The following BMAL2 variants were observed in gnomAD, a reference collection of about 807,000 sequenced individuals.
BMAL2 encodes basic helix-loop-helix ARNT-like protein 2.
chr12:27,410,387 C>T, the BMAL2 span, among the ~76,000 whole-genome samples: 1 of 152,290 alleles, frequency 6.6e-6, no homozygotes, highest in Non-Finnish European at 1.5e-5. Flanking sequence ...AAATGTGGCA[C>T]ATATACACCA....
At chr12:27,368,523 A>G in the BMAL2 span, 2 of 1,328,440 alleles carry the variant, frequency 1.5e-6, no homozygotes, top group Non-Finnish European at 2.1e-6. Context: ...ACATTTGGAG[A>G]TGGGAGAGTA....
the BMAL2 span, among the ~76,000 whole-genome samples, chr12:27,379,785 A>G: frequency 6.6e-6 from 1 of 152,300 alleles, no homozygotes; most frequent in African/African-American, 2.4e-5. Context: ...AAGAACAAAA[A>G]ACAACTAGAA....
chr12:27,348,957 A>T, the BMAL2 span, among the ~76,000 whole-genome samples: 1 of 152,174 alleles, frequency 6.6e-6, no homozygotes, highest in Non-Finnish European at 1.5e-5. Flanking sequence ...GTAGGGTGGG[A>T]GATTTTGACG....
At chr12:27,388,916 T>C in the BMAL2 span, among the ~76,000 whole-genome samples, 1 of 152,158 alleles carries the variant, frequency 6.6e-6, no homozygotes. Context: ...TAACAAGAGT[T>C]ACAAGATTTA....
At chr12:27,372,444 G>T in the BMAL2 span, among the ~76,000 whole-genome samples, 2 of 152,084 alleles carry the variant, frequency 1.3e-5, no homozygotes, top group African/African-American at 4.8e-5. Flanking sequence ...TTTGGCTATT[G>T]TGAGTAATGC....
the BMAL2 span, among the ~76,000 whole-genome samples, chr12:27,340,352 T>C: frequency 6.6e-6 from 1 of 152,210 alleles, no homozygotes; most frequent in East Asian, 1.9e-4. Context: ...ATTTATTGAA[T>C]AGGGAGGGAG....
chr12:27,349,179 G>C, the BMAL2 span, among the ~76,000 whole-genome samples: 2 of 152,200 alleles, frequency 1.3e-5, no homozygotes, highest in African/African-American at 4.8e-5. Flanking sequence ...CATGGGATGA[G>C]GCTGATGGGG....
the BMAL2 span, among the ~76,000 whole-genome samples, chr12:27,393,064 T>C: frequency 2.0e-5 from 3 of 152,190 alleles, no homozygotes; most frequent in Non-Finnish European, 4.4e-5. Flanking sequence ...CATTCTCTCT[T>C]CTGACATAAG....
the BMAL2 span, among the ~76,000 whole-genome samples, chr12:27,410,480 CA>C: frequency 6.6e-6 from 1 of 152,090 alleles, no homozygotes; most frequent in African/African-American, 2.4e-5. Context: ...TCATTCTCAG[CA>C]AACTATGGCA....
the BMAL2 span, among the ~76,000 whole-genome samples, chr12:27,376,129 A>G: frequency 6.6e-6 from 1 of 152,210 alleles, no homozygotes; most frequent in Non-Finnish European, 1.5e-5. Context: ...TGTTATCCTT[A>G]TGGGAATGGT....
At chr12:27,376,702 G>C in the BMAL2 span, among the ~76,000 whole-genome samples, 1 of 152,108 alleles carries the variant, frequency 6.6e-6, no homozygotes, top group Non-Finnish European at 1.5e-5. Flanking sequence ...GCATCTGACT[G>C]TTAGAAACCC....
the BMAL2 span, among the ~76,000 whole-genome samples, chr12:27,388,082 CA>C: frequency 6.6e-6 from 1 of 150,832 alleles, no homozygotes; most frequent in Non-Finnish European, 1.5e-5. Context: ...AACACACCCA[CA>C]CATGCACACA....
chr12:27,340,418 T>C, the BMAL2 span, among the ~76,000 whole-genome samples: 1 of 152,174 alleles, frequency 6.6e-6, no homozygotes, highest in East Asian at 1.9e-4. Context: ...TGGTTGTAGG[T>C]GTGTGGCCTT....
At chr12:27,411,039 AATT>A in the BMAL2 span, among the ~76,000 whole-genome samples, 551 of 152,286 alleles carry the variant, frequency 3.6e-3, 3 homozygotes, top group Non-Finnish European at 5.6e-3. Flanking sequence ...TAAAGAGTAA[AATT>A]ATTAAGCTTT....
chr12:27,368,935 A>C, the BMAL2 span, among the ~76,000 whole-genome samples: 1 of 152,162 alleles, frequency 6.6e-6, no homozygotes, highest in Non-Finnish European at 1.5e-5. Flanking sequence ...CTTCAGTCCT[A>C]AATATTCTTT....
the BMAL2 span, among the ~76,000 whole-genome samples, chr12:27,398,083 G>T: frequency 6.6e-6 from 1 of 152,102 alleles, no homozygotes; most frequent in African/African-American, 2.4e-5. Flanking sequence ...CTTCTCTTCC[G>T]TGTCTCATTT....
chr12:27,415,220 G>C, the BMAL2 span, among the ~76,000 whole-genome samples: 4 of 152,166 alleles, frequency 2.6e-5, no homozygotes, highest in Non-Finnish European at 5.9e-5. Context: ...GTAGGTTTTA[G>C]GTGCTGTCAA....
At chr12:27,340,559 T>C in the BMAL2 span, among the ~76,000 whole-genome samples, 3 of 152,314 alleles carry the variant, frequency 2.0e-5, no homozygotes, top group East Asian at 5.8e-4. Context: ...GCTTTGTTCT[T>C]TTTGCTTAGG....
At chr12:27,420,536 T>C in the BMAL2 span, 2 of 1,552,332 alleles carry the variant, frequency 1.3e-6, no homozygotes, top group Non-Finnish European at 1.7e-6. Context: ...CCTCTAGCCT[T>C]TGATTTTTAA....
Sources: gnomAD v4.1 joint callset for allele counts (sites outside exome capture counted in the v4.1 genomes callset) on GRCh38, gnomAD v4.1.1 for gene constraint, MANE v1.5 for transcripts, NCBI Gene and HGNC (gene_info 2026-07-23, HGNC 2026-07-21) for gene names.